The following TNKS variants were observed in gnomAD, a reference collection of about 807,000 sequenced individuals.
The protein encoded by TNKS is tankyrase, also known as poly [ADP-ribose] polymerase tankyrase-1.
A neutral mutation model predicts 135.8 loss-of-function variants in TNKS; 72 were observed. The ratio of observed to expected loss-of-function variants is 0.53; its 90% CI spans 0.44 to 0.64. The LOEUF is 0.64. Ranked by LOEUF, TNKS falls within the 30% of genes least tolerant of loss-of-function variation. The probability of loss-of-function intolerance (pLI) is 0.00; values close to 1 mark genes in which losing one functional copy is unlikely to be tolerated. For missense variants in TNKS, 1,769 were observed against 1,674.0 expected (o/e 1.06, Z -0.99); for synonymous variants, 849 against 649.3 (o/e 1.31, Z -4.68).
At chr8:9,709,587 G>C (rs2128808991) in intron 9 of TNKS, among the ~76,000 whole-genome samples, 1 of 152,268 alleles carries the variant, frequency 6.6e-6, no homozygotes, top group East Asian at 1.9e-4. Context: ...ATACTGACTT[G>C]TGTGGCTGAT....
At chr8:9,670,046 A>T (rs116071217) in intron 3 of TNKS, 1 of 152,216 alleles carries the variant, frequency 6.6e-6, no homozygotes, top group African/African-American at 2.4e-5. Context: ...CTTATTATAA[A>T]GTTAATACTA....
Position 9,763,219 on chromosome 8 carries a change from A to C in TNKS, c.3347A>C (p.Lys1116Thr). Residue 1116 changes from lysine to threonine, a missense_variant, in exon 22 of 27, where the codon AAA becomes ACA. Transcript: ENST00000310430. ...TILLDLAPED[K>T]EYQSVEEEMQ... ...TTGCTGGATCTTGCTCCAGAAGATAAAGAATATCAGTCAGTGGAAGAAGAG... is the reference window on the plus strand; with the variant it reads ...TTGCTGGATCTTGCTCCAGAAGATACAGAATATCAGTCAGTGGAAGAAGAG... 6.2e-7 allele frequency: 1 copy of C among 1,609,516 alleles called. No individual in the cohort carries two copies. The highest frequency in any genetic ancestry group is 8.5e-7 in the Non-Finnish European group (1 of 1,176,708).
At chr8:9,726,216 A>T (rs7014591) in intron 12 of TNKS, among the ~76,000 whole-genome samples, 2 of 152,058 alleles carry the variant, frequency 1.3e-5, no homozygotes, top group Non-Finnish European at 1.5e-5. Flanking sequence ...CATGGTGAAA[A>T]CCCATCTCCA....
At chr8:9,696,376 A>G (rs1803514858) in intron 5 of TNKS, among the ~76,000 whole-genome samples, 2 of 152,170 alleles carry the variant, frequency 1.3e-5, no homozygotes. Context: ...AATAATGCTA[A>G]TAAGGTCAGA....
At chr8:9,590,403 G>A (rs745766107) in intron 2 of TNKS, among the ~76,000 whole-genome samples, 2 of 152,118 alleles carry the variant, frequency 1.3e-5, no homozygotes, top group Non-Finnish European at 2.9e-5. Flanking sequence ...TGCCCTGTTT[G>A]TTTGATTACT....
At chr8:9,597,386 C>T (rs1563104873) in intron 2 of TNKS, among the ~76,000 whole-genome samples, 1 of 152,212 alleles carries the variant, frequency 6.6e-6, no homozygotes, top group Non-Finnish European at 1.5e-5. Flanking sequence ...AATCAAAGCT[C>T]AGTGAAGGGC....
At chr8:9,700,370 CATTGCT>C (rs745431472) in intron 5 of TNKS, among the ~76,000 whole-genome samples, 18 of 152,190 alleles carry the variant, frequency 1.2e-4, no homozygotes, top group Non-Finnish European at 2.2e-4. Flanking sequence ...TCCTTGTTTT[CATTGCT>C]ATCCCTAGCA....
At chr8:9,723,493 A>G in intron 12 of TNKS, among the ~76,000 whole-genome samples, 1 of 152,348 alleles carries the variant, frequency 6.6e-6, no homozygotes, top group East Asian at 1.9e-4. Flanking sequence ...TTACATTAAT[A>G]AAGTTTTCAT....
chr8:9,619,956 A>ATT lies in TNKS; in HGVS notation c.994+4290_994+4291dup, dbSNP rs397892862. 3.3e-4 allele frequency among the ~76,000 whole-genome samples: 47 copies of ATT among 141,802 alleles called. 1 individual carries two copies. In the South Asian group the frequency reaches 5.4e-3, roughly 16 times the overall value. The allele number at this position is 141,802 out of a possible 152,430, so 93.0% of individuals were successfully genotyped here. A position where few individuals can be genotyped will look rare whatever the true frequency, so the allele number is the denominator to read the frequency against. ...TGGAACTCTTTCCTTATTTTTATTT[A>ATT]TTTTTTTTTTTTGCGACGGAGTCTC... is the stretch of plus-strand genomic sequence containing the variant. On this transcript the variant is annotated intron_variant, in intron 3 of 26. Coordinates refer to ENST00000310430, the MANE Select transcript of TNKS (RefSeq NM_003747.3).
rs571915520 is a variant in TNKS, at chr8:9,568,090, T to C, written c.673+11478T>C. ...TGTTGAGGATACTCTTTTCATCTTA[T>C]CTGTTGATTCACATTTTTTGAGAGT... On this transcript the variant is annotated intron_variant, in intron 1 of 26. Coordinates refer to ENST00000310430, the MANE Select transcript of TNKS (RefSeq NM_003747.3). 3.0e-4 allele frequency among the ~76,000 whole-genome samples: 46 copies of C among 152,352 alleles called. 1 individual carries two copies. In the South Asian group the frequency reaches 5.6e-3, roughly 18 times the overall value.
intron 2 of TNKS, among the ~76,000 whole-genome samples, chr8:9,596,431 A>T (rs750187226): frequency 6.6e-6 from 1 of 152,212 alleles, no homozygotes; most frequent in Non-Finnish European, 1.5e-5. Flanking sequence ...AATTGTATTT[A>T]TAGGCTTTAC....
chr8:9,558,866 G>A (rs1184956497), intron 1 of TNKS: 2 of 152,124 alleles, frequency 1.3e-5, no homozygotes, highest in Admixed American at 1.3e-4. Flanking sequence ...TTCCGTGATT[G>A]AATTCGTAAC....
chr8:9,698,832 C>G (rs1171372483), intron 5 of TNKS, among the ~76,000 whole-genome samples: 1 of 152,136 alleles, frequency 6.6e-6, no homozygotes, highest in African/African-American at 2.4e-5. Flanking sequence ...TAGACAAATG[C>G]AAGTTTGTTT....
intron 3 of TNKS, among the ~76,000 whole-genome samples, chr8:9,669,567 G>A (rs889740808): frequency 2.0e-5 from 3 of 152,122 alleles, no homozygotes; most frequent in Admixed American, 6.5e-5. Flanking sequence ...TAAATGAGTG[G>A]TAAAAGTAAA....
intron 2 of TNKS, among the ~76,000 whole-genome samples, chr8:9,598,080 T>A (rs984352140): frequency 6.6e-6 from 1 of 152,192 alleles, no homozygotes; most frequent in African/African-American, 2.4e-5. Flanking sequence ...GTTGAATCAG[T>A]TGTCAGAGGC....
intron 17 of TNKS, among the ~76,000 whole-genome samples, chr8:9,735,868 G>A (rs1805676552): frequency 6.6e-6 from 1 of 151,984 alleles, no homozygotes; most frequent in African/African-American, 2.4e-5. Flanking sequence ...TTTATTAAAT[G>A]CATACTATGC....
At chr8:9,588,757 C>T (rs567801824) in intron 2 of TNKS, among the ~76,000 whole-genome samples, 2 of 152,256 alleles carry the variant, frequency 1.3e-5, no homozygotes, top group South Asian at 2.1e-4. Context: ...TTCTGAAACA[C>T]GTGGCCATTT....
At position 9,556,383 on chromosome 8, in the gene TNKS, G is replaced by C; in HGVS notation, c.444G>C (p.Ser148=). The C allele has an allele frequency of 6.2e-7, 1 of 1,614,172 alleles. No individual in the cohort carries two copies. The highest frequency in any genetic ancestry group is 8.5e-7 in the Non-Finnish European group (1 of 1,180,046). The part of the protein sequence containing the change: ...SSSSSPSSPG[S]SLAESPEAAG... Reference sequence around the variant, plus strand: ...CTTCCTCTCCATCCTCCCCTGGATCGAGCTTGGCGGAGAGCCCCGAGGCGG... The same window carrying C: ...CTTCCTCTCCATCCTCCCCTGGATCCAGCTTGGCGGAGAGCCCCGAGGCGG... The change falls in exon 1 of 27, where the codon TCG becomes TCC. Residue 148 remains serine, a synonymous_variant. Coordinates refer to ENST00000310430, the MANE Select transcript of TNKS (RefSeq NM_003747.3).
At chr8:9,751,031 C>T (rs140891791) in intron 18 of TNKS, among the ~76,000 whole-genome samples, 1 of 151,822 alleles carries the variant, frequency 6.6e-6, no homozygotes, top group Non-Finnish European at 1.5e-5. Context: ...TTCTATTGGT[C>T]AAGACAACTC....
Sources: allele counts gnomAD v4.1 joint callset (sites outside exome capture counted in the v4.1 genomes callset), GRCh38; gene constraint gnomAD v4.1.1; transcripts MANE v1.5; gene names NCBI Gene and HGNC (gene_info 2026-07-23, HGNC 2026-07-21).